Variants in MGAT3 observed in about 807,000 individuals in gnomAD.
MGAT3 encodes the protein beta-1,4-mannosyl-glycoprotein 4-beta-N-acetylglucosaminyltransferase, also known as GlcNAc-T III.
In MGAT3, 9 loss-of-function variants were observed where a neutral mutation model predicts 29.8. That is an observed-to-expected ratio of 0.30 (90% CI 0.18 to 0.53). The LOEUF (loss-of-function observed/expected upper bound fraction) is 0.53, where lower values mean the gene tolerates loss of function less well. Among genes scored for constraint, MGAT3 ranks in the 20% least tolerant of loss-of-function variants. The pLI is 0.96. For missense variants in MGAT3, 557 were observed against 769.5 expected (o/e 0.72, Z 3.27); for synonymous variants, 397 against 348.9 (o/e 1.14, Z -1.54).
rs1928379347 is a variant in MGAT3 at position 39,457,813 on chromosome 22, A to G, written c.-2+256A>G. ...CCGAGCTCCCCGGTCCCCGGAGGGC[A>G]GAGCCTCAGCGCCCGACCCCCTCCC... On this transcript the variant is annotated intron_variant, in intron 1 of 1. Coordinates refer to ENST00000341184, the MANE Select transcript of MGAT3 (RefSeq NM_002409.5). This position sits in a 1 kb window ranked among gnomAD's most constrained non-coding sequence, Gnocchi z 6.8. Among the ~76,000 whole-genome samples the G allele has an allele frequency of 6.6e-6, 1 of 151,056 alleles. No homozygotes were observed. Among genetic ancestry groups the G allele is most frequent in the Non-Finnish European group, 1.5e-5 (1 of 67,548 alleles).
At chr22:39,472,211 C>A (rs1180937705) in intron 1 of MGAT3, among the ~76,000 whole-genome samples, 1 of 152,134 alleles carries the variant, frequency 6.6e-6, no homozygotes, top group Non-Finnish European at 1.5e-5. Flanking sequence ...CCTCTGCCCC[C>A]ACTCCCAGAG....
intron 1 of MGAT3, among the ~76,000 whole-genome samples, chr22:39,473,358 A>G (rs1287372432): frequency 6.6e-6 from 1 of 152,130 alleles, no homozygotes; most frequent in Non-Finnish European, 1.5e-5. Context: ...ACACATGGAG[A>G]CGGGCAGGGC....
At chr22:39,472,356 G>A (rs577775131) in intron 1 of MGAT3, among the ~76,000 whole-genome samples, 1 of 152,296 alleles carries the variant, frequency 6.6e-6, no homozygotes, top group South Asian at 2.1e-4. Flanking sequence ...GCCGTGCCGA[G>A]AGTGTATTTC....
chr22:39,461,240 T>C (rs1347062686), intron 1 of MGAT3, among the ~76,000 whole-genome samples: 2 of 152,032 alleles, frequency 1.3e-5, no homozygotes, highest in African/African-American at 4.8e-5. Flanking sequence ...GATGGTTGAA[T>C]GAGGAGGAAA....
At chr22:39,458,497 G>A (rs976204445) in intron 1 of MGAT3, among the ~76,000 whole-genome samples, 1 of 152,044 alleles carries the variant, frequency 6.6e-6, no homozygotes, top group African/African-American at 2.4e-5. Context: ...TTTGGGGAGG[G>A]GGAGCAGTTA....
intron 1 of MGAT3, among the ~76,000 whole-genome samples, chr22:39,469,746 G>T (rs1049074989): frequency 1.3e-5 from 2 of 152,218 alleles, no homozygotes; most frequent in African/African-American, 4.8e-5. Context: ...CGCTCAGCCC[G>T]CCAGGCTGGA....
rs1929433761 is a variant in MGAT3 at position 39,490,838 on chromosome 22, C to T, written c.*1889C>T. On this transcript the variant is annotated 3_prime_UTR_variant, in exon 2 of 2. Transcript: ENST00000341184. ...AGGCCAGGCCCAGGCCTGGCCTCTT[C>T]CTCGGGCCTGTGGCCACACCTCCTG... is the stretch of plus-strand genomic sequence containing the variant. The T allele has an allele frequency of 3.0e-5, 5 of 166,618 alleles. No homozygotes were observed. The highest frequency in any genetic ancestry group is 2.6e-4 in the Admixed American group (4 of 15,264). 10.3% of individuals were successfully genotyped at this position (166,618 alleles called of 1,614,324 possible).
Position 39,457,179 on chromosome 22 carries a change from C to T in MGAT3, c.-380C>T. ...GTTGCGGAGGGGGCGGGGTGGGGGC[C>T]GGAGCCGCTTGAGCCGGCGGGAGCG... is the stretch of plus-strand genomic sequence containing the variant. On this transcript the variant is annotated 5_prime_UTR_variant, in exon 1 of 2. Transcript: ENST00000341184. The surrounding 1 kb of genome is among the most constrained non-coding windows in gnomAD (Gnocchi z 6.8). 7.0e-6 allele frequency among the ~76,000 whole-genome samples: 1 copy of T among 142,796 alleles called. No individual in the cohort carries two copies. The highest frequency in any genetic ancestry group is 2.5e-5 in the African/African-American group (1 of 39,968). 93.7% of individuals were successfully genotyped at this position (142,796 alleles called of 152,430 possible).
At chr22:39,466,352 C>G (rs759403562) in intron 1 of MGAT3, among the ~76,000 whole-genome samples, 1 of 152,166 alleles carries the variant, frequency 6.6e-6, no homozygotes, top group Admixed American at 6.6e-5. Context: ...CGGCAGGAGG[C>G]CTGTGTTGCT....
chr22:39,470,339 A>T (rs1266165531), intron 1 of MGAT3, among the ~76,000 whole-genome samples: 1 of 152,162 alleles, frequency 6.6e-6, no homozygotes, highest in East Asian at 1.9e-4. Flanking sequence ...AGGCGGAGGG[A>T]TCAGCCAGTG....
chr22:39,478,196 C>T (rs951199522), intron 1 of MGAT3, among the ~76,000 whole-genome samples: 17 of 152,228 alleles, frequency 1.1e-4, no homozygotes, highest in African/African-American at 3.6e-4. Flanking sequence ...AGAGGTAGTG[C>T]GGGTCCACCC....
At chr22:39,466,265 C>A (rs375308582) in intron 1 of MGAT3, among the ~76,000 whole-genome samples, 1 of 152,166 alleles carries the variant, frequency 6.6e-6, no homozygotes, top group Non-Finnish European at 1.5e-5. Context: ...CCACCGCTTG[C>A]GGGCAGTGAC....
At chr22:39,481,808 C>T (rs113298602) in intron 1 of MGAT3, among the ~76,000 whole-genome samples, 489 of 152,332 alleles carry the variant, frequency 3.2e-3, no homozygotes, top group African/African-American at 0.01. Flanking sequence ...CATCATCTCC[C>T]TGGCCTCGGT....
Position 39,457,868 on chromosome 22 carries a change from C to T in MGAT3, c.-2+311C>T, listed in dbSNP as rs530948425. On this transcript the variant is annotated intron_variant, in intron 1 of 1. Coordinates refer to ENST00000341184, the MANE Select transcript of MGAT3 (RefSeq NM_002409.5). This position sits in a 1 kb window ranked among gnomAD's most constrained non-coding sequence, Gnocchi z 6.8. ...CCGGGCGGGGGACGTCCCCGAGGCG[C>T]GGGGCTCGAGCCGTGCTTTGTGCGC... is the stretch of plus-strand genomic sequence containing the variant. 6.6e-6 allele frequency among the ~76,000 whole-genome samples: 1 copy of T among 151,578 alleles called. No homozygotes were observed. Among genetic ancestry groups the T allele is most frequent in the Non-Finnish European group, 1.5e-5 (1 of 67,740 alleles).
chr22:39,487,278 C>A lies in MGAT3; in HGVS notation c.-1-69C>A. Reference sequence around the variant, plus strand: ...CCAGCAAGGTGGCAGCAGAGGCCTCCTAGGTCCCCTTCCTAGGAAAGGAGC... The same window carrying A: ...CCAGCAAGGTGGCAGCAGAGGCCTCATAGGTCCCCTTCCTAGGAAAGGAGC... On this transcript the variant is annotated intron_variant, in intron 1 of 1. Transcript: ENST00000341184. The surrounding 1 kb of genome is among the most constrained non-coding windows in gnomAD (Gnocchi z 5.7). 1 of 1,513,864 alleles carries A rather than the reference C, an allele frequency of 6.6e-7. No homozygotes were observed. Among genetic ancestry groups the A allele is most frequent in the Admixed American group, 2.0e-5 (1 of 50,216 alleles). 93.8% of individuals were successfully genotyped at this position (1,513,864 alleles called of 1,614,324 possible).
chr22:39,479,672 C>A (rs911131575), intron 1 of MGAT3, among the ~76,000 whole-genome samples: 1 of 152,240 alleles, frequency 6.6e-6, no homozygotes, highest in African/African-American at 2.4e-5. Flanking sequence ...TCATTGAGTG[C>A]TTACTGTGTG....
chr22:39,479,746 C>CA (rs1267229709), intron 1 of MGAT3, among the ~76,000 whole-genome samples: 1 of 152,232 alleles, frequency 6.6e-6, no homozygotes, highest in Admixed American at 6.5e-5. Context: ...CAAGGCCACA[C>CA]AGATAGGAGT....
intron 1 of MGAT3, among the ~76,000 whole-genome samples, chr22:39,481,372 T>C (rs1006408351): frequency 4.6e-5 from 7 of 152,204 alleles, no homozygotes; most frequent in Admixed American, 3.3e-4. Flanking sequence ...GCACAGCCTC[T>C]TTGGGCGCGC....
intron 1 of MGAT3, among the ~76,000 whole-genome samples, chr22:39,466,561 C>T (rs556464564): frequency 3.3e-5 from 5 of 152,210 alleles, no homozygotes; most frequent in Non-Finnish European, 7.3e-5. Context: ...TACTTCCCGG[C>T]CTTTGCTGAT....
Sources: gnomAD v4.1 joint callset for allele counts (sites outside exome capture counted in the v4.1 genomes callset) on GRCh38, gnomAD v4.1.1 for gene constraint, Gnocchi (gnomAD v3.1) non-coding constraint, MANE v1.5 for transcripts, NCBI Gene and HGNC (gene_info 2026-07-23, HGNC 2026-07-21) for gene names.